FSBP: variants seen among roughly 807,000 people sequenced by gnomAD.
The protein encoded by FSBP is fibrinogen silencer binding protein.
Under a neutral mutation model 24.6 loss-of-function variants are expected in FSBP, and 18 were observed. That is an observed-to-expected ratio of 0.73 (90% CI 0.51 to 1.08). FSBP has a LOEUF of 1.08. Ranked by LOEUF, FSBP falls within the 50% of genes least tolerant of loss-of-function variation. FSBP has a pLI of 0.00. For synonymous variants in FSBP, 110 were observed against 125.8 expected, an observed-to-expected ratio of 0.87 and a Z score of 0.84; for missense variants, 305 against 347.6, an observed-to-expected ratio of 0.88 and a Z score of 0.98.
chr8:94,428,296 A>G lies in FSBP; in HGVS notation c.*3835T>C. ...TCCCAGCATTACATTTTGTAATTAA[A>G]GCTCATGGACCCCAAACAATTGTCT... On this transcript the variant is annotated 3_prime_UTR_variant, in exon 2 of 2. Coordinates refer to ENST00000481490, the MANE Select transcript of FSBP (RefSeq NM_001256141.2). The G allele has an allele frequency of 1.0e-6, 1 of 982,230 alleles. No homozygotes were observed. The highest frequency in any genetic ancestry group is 4.7e-5 in the South Asian group (1 of 21,230). 60.8% of individuals were successfully genotyped at this position (982,230 alleles called of 1,614,324 possible).
Position 94,427,932 on chromosome 8 carries a change from A to G in FSBP, c.*4199T>C, listed in dbSNP as rs199723108. On this transcript the variant is annotated 3_prime_UTR_variant, in exon 2 of 2. Transcript: ENST00000481490. ...ATAGAACAGGGTAGAATGACTCCTT[A>G]AAAAAAAAAATGAAATAACACCAAG... 14 of 261,634 alleles carry G rather than the reference A, an allele frequency of 5.4e-5. No individual in the cohort carries two copies. The highest frequency in any genetic ancestry group is 6.0e-5 in the Non-Finnish European group (13 of 215,348). 16.2% of individuals were successfully genotyped at this position (261,634 alleles called of 1,614,324 possible). A position where few individuals can be genotyped will look rare whatever the true frequency, so the allele number is the denominator to read the frequency against.
Position 94,428,135 on chromosome 8 carries a change from A to G in FSBP, c.*3996T>C, listed in dbSNP as rs1461940558. The G allele has an allele frequency of 1.1e-6, 1 of 882,464 alleles. No homozygotes were observed. The highest frequency in any genetic ancestry group is 1.4e-6 in the Non-Finnish European group (1 of 736,390). The allele number at this position is 882,464 out of a possible 1,614,324, so 54.7% of individuals were successfully genotyped here. ...TTCATATGGATAAGAGAAAGATAGG[A>G]AAGTGGCTATCCACTATCTAAATTA... On this transcript the variant is annotated 3_prime_UTR_variant, in exon 2 of 2. Transcript: ENST00000481490.
chr8:94,436,705 G>A lies in FSBP; in HGVS notation c.164C>T (p.Ala55Val). Reference sequence around the variant, plus strand: ...TCGAGGAGGGCGGTCTACTCCAATTGCATTATAGTTAACTGCTATGATATC... The same window carrying A: ...TCGAGGAGGGCGGTCTACTCCAATTACATTATAGTTAACTGCTATGATATC... The part of the protein sequence containing the change: ...CWDIIAVNYN[A>V]IGVDRPPRTA... Residue 55 changes from alanine (A) to valine (V), a missense_variant, in exon 1 of 2, where the codon GCA (alanine) becomes GTA (valine). By Grantham distance (64) the Ala-to-Val change is moderately conservative. Transcript: ENST00000481490. 1 of 1,550,614 alleles carries A rather than the reference G, an allele frequency of 6.4e-7. No homozygotes were observed. Among genetic ancestry groups the A allele is most frequent in the Non-Finnish European group, 8.7e-7 (1 of 1,146,986 alleles).
chr8:94,434,427 AAC>A (rs958467082), intron 1 of FSBP, among the ~76,000 whole-genome samples: 1 of 151,938 alleles, frequency 6.6e-6, no homozygotes, highest in African/African-American at 2.4e-5. Flanking sequence ...AGTTTACAAA[AAC>A]ACAAAATATA....
Position 94,436,729 on chromosome 8 carries a change from T to C in FSBP, c.140A>G (p.Asp47Gly). The change falls in exon 1 of 2, where the codon GAT becomes GGT. Residue 47 changes from aspartate (D) to glycine (G), a missense_variant. Physicochemically the swap from Asp to Gly is moderately conservative, Grantham distance 94 (BLOSUM62 -1). Coordinates refer to ENST00000481490, the MANE Select transcript of FSBP (RefSeq NM_001256141.2). ...TGCATTATAGTTAACTGCTATGATA[T>C]CCCAACATCTATTCTTTTCTACTAT... ...SVIVEKNRCWDIIAVNYNAIG... is the reference protein window; with the variant it reads ...SVIVEKNRCWGIIAVNYNAIG... The C allele has an allele frequency of 6.4e-7, 1 of 1,550,732 alleles. No homozygotes were observed. Among genetic ancestry groups the C allele is most frequent in the East Asian group, 2.4e-5 (1 of 40,914 alleles).
At chr8:94,434,743 T>G (rs1465374283) in intron 1 of FSBP, among the ~76,000 whole-genome samples, 2 of 151,642 alleles carry the variant, frequency 1.3e-5, no homozygotes, top group Non-Finnish European at 3.0e-5. Context: ...AATGTCAATG[T>G]AGACACAGTA....
Position 94,429,985 on chromosome 8 carries a change from T to G in FSBP, c.*2146A>C, listed in dbSNP as rs1483939547. On this transcript the variant is annotated 3_prime_UTR_variant, in exon 2 of 2. Coordinates refer to ENST00000481490, the MANE Select transcript of FSBP (RefSeq NM_001256141.2). ...TAGCCCTCTAATTCAAAGCATTCAA[T>G]GGCTTCTCATTGTACGTTAAGTCTG... 1.0e-6 allele frequency: 1 copy of G among 985,388 alleles called. No homozygotes were observed. Among genetic ancestry groups the G allele is most frequent in the East Asian group, 1.1e-4 (1 of 8,812 alleles). 61.0% of individuals were successfully genotyped at this position (985,388 alleles called of 1,614,324 possible).
rs1277767296 is a variant in FSBP, at chr8:94,429,420, G to C, written c.*2711C>G. 1 of 906,988 alleles carries C rather than the reference G, an allele frequency of 1.1e-6. No homozygotes were observed. The highest frequency in any genetic ancestry group is 1.3e-6 in the Non-Finnish European group (1 of 758,996). The allele number at this position is 906,988 out of a possible 1,614,324, so 56.2% of individuals were successfully genotyped here. On this transcript the variant is annotated 3_prime_UTR_variant, in exon 2 of 2. Coordinates refer to ENST00000481490, the MANE Select transcript of FSBP (RefSeq NM_001256141.2). ...TTTTTTAACACAGATCTCTTTTCTA[G>C]AAACATCTCACAGAATTAATGTTCC...
chr8:94,429,843 CCTT>C lies in FSBP; in HGVS notation c.*2285_*2287del, dbSNP rs1812042472. 12 of 985,244 alleles carry C rather than the reference CCTT, an allele frequency of 1.2e-5. No individual in the cohort carries two copies. Among genetic ancestry groups the C allele is most frequent in the Non-Finnish European group, 1.4e-5 (12 of 829,854 alleles). The allele number at this position is 985,244 out of a possible 1,614,324, so 61.0% of individuals were successfully genotyped here. On this transcript the variant is annotated 3_prime_UTR_variant, in exon 2 of 2. Transcript: ENST00000481490. ...AAGTAGTCAACATGCTAAAATAGTA[CCTT>C]GAGTTCATTTTTTTCTATTTCTATA...
Position 94,427,973 on chromosome 8 carries a change from A to C in FSBP, c.*4158T>G. 1.1e-6 allele frequency: 1 copy of C among 919,588 alleles called. No homozygotes were observed. 57.0% of individuals were successfully genotyped at this position (919,588 alleles called of 1,614,324 possible). On this transcript the variant is annotated 3_prime_UTR_variant, in exon 2 of 2. Coordinates refer to ENST00000481490, the MANE Select transcript of FSBP (RefSeq NM_001256141.2). ...TAACACCAAGTTAATATCTCATCAT[A>C]CACAAAAGAAAAATACTTGACTATT...
Position 94,432,557 on chromosome 8 carries a change from T to G in FSBP, c.474A>C (p.Glu158Asp). 6.5e-7 allele frequency: 1 copy of G among 1,550,338 alleles called. No homozygotes were observed. The highest frequency in any genetic ancestry group is 8.7e-7 in the Non-Finnish European group (1 of 1,146,750). ...VAITVEVKQE[E>D]DIKPPPPLVL... Reference sequence around the variant, plus strand: ...CCAGTGGAGGAGGTGGTTTAATGTCTTCTTCTTGCTTCACCTCCACTGTAA... The same window carrying G: ...CCAGTGGAGGAGGTGGTTTAATGTCGTCTTCTTGCTTCACCTCCACTGTAA... Residue 158 changes from glutamate (E) to aspartate (D), a missense_variant, in exon 2 of 2, where the codon GAA becomes GAC. Transcript: ENST00000481490.
At position 94,430,549 on chromosome 8, in the gene FSBP, T is replaced by A; in HGVS notation, c.*1582A>T. ...TGCTGACACCCCCAGGGTTTCTAAT[T>A]CACTTGGAAATGGATTTACATTTCT... is the stretch of plus-strand genomic sequence containing the variant. On this transcript the variant is annotated 3_prime_UTR_variant, in exon 2 of 2. Coordinates refer to ENST00000481490, the MANE Select transcript of FSBP (RefSeq NM_001256141.2). The A allele has an allele frequency of 1.3e-6, 1 of 745,770 alleles. No homozygotes were observed. Among genetic ancestry groups the A allele is most frequent in the Non-Finnish European group, 1.6e-6 (1 of 611,836 alleles). 46.2% of individuals were successfully genotyped at this position (745,770 alleles called of 1,614,324 possible).
Position 94,428,228 on chromosome 8 carries a change from T to C in FSBP, c.*3903A>G, listed in dbSNP as rs181174700. On this transcript the variant is annotated 3_prime_UTR_variant, in exon 2 of 2. Transcript: ENST00000481490. ...TCAAATGTAGTATATTTCTACAGAA[T>C]CAAGTCTACATTTAAAAAACAAAAT... 2.3e-6 allele frequency: 2 copies of C among 883,838 alleles called. No homozygotes were observed. Among genetic ancestry groups the C allele is most frequent in the Non-Finnish European group, 2.7e-6 (2 of 737,628 alleles). 54.7% of individuals were successfully genotyped at this position (883,838 alleles called of 1,614,324 possible). A position where few individuals can be genotyped will look rare whatever the true frequency, so the allele number is the denominator to read the frequency against.
rs552369158 is a variant in FSBP at position 94,429,258 on chromosome 8, T to C, written c.*2873A>G. ...AAACAATGCTGCAGAAAAATATGAT[T>C]GTAGCAGACTATGTTTATGCTATTT... On this transcript the variant is annotated 3_prime_UTR_variant, in exon 2 of 2. Transcript: ENST00000481490. The C allele has an allele frequency of 2.0e-6, 1 of 496,826 alleles. No homozygotes were observed. Among genetic ancestry groups the C allele is most frequent in the African/African-American group, 2.1e-5 (1 of 47,662 alleles). 30.8% of individuals were successfully genotyped at this position (496,826 alleles called of 1,614,324 possible). A position where few individuals can be genotyped will look rare whatever the true frequency, so the allele number is the denominator to read the frequency against.
At chr8:94,434,230 G>T (rs1024893760) in intron 1 of FSBP, among the ~76,000 whole-genome samples, 7 of 151,954 alleles carry the variant, frequency 4.6e-5, no homozygotes, top group African/African-American at 1.7e-4. Context: ...ATGTAAAATA[G>T]AGAGTATAAA....
In FSBP at chr8:94,430,449, T is replaced by A. The variant is rs1486516906; in HGVS notation, c.*1682A>T. 4.1e-6 allele frequency: 4 copies of A among 984,924 alleles called. No homozygotes were observed. The highest frequency in any genetic ancestry group is 4.8e-6 in the Non-Finnish European group (4 of 829,584). The allele number at this position is 984,924 out of a possible 1,614,324, so 61.0% of individuals were successfully genotyped here. A position where few individuals can be genotyped will look rare whatever the true frequency, so the allele number is the denominator to read the frequency against. ...GTATGATTTAGGCACCAAGCGAGGT[T>A]CCAAAATACTCTGTTTCACTGGTTC... is the stretch of plus-strand genomic sequence containing the variant. On this transcript the variant is annotated 3_prime_UTR_variant, in exon 2 of 2. Coordinates refer to ENST00000481490, the MANE Select transcript of FSBP (RefSeq NM_001256141.2).
intron 1 of FSBP, 38 bp from the exon 2 acceptor site, chr8:94,432,694 A>C (rs1812139812): frequency 1.4e-6 from 2 of 1,416,612 alleles, no homozygotes; most frequent in East Asian, 5.1e-5. Context: ...ATGTAAATCA[A>C]ATGAAGAAAA....
Position 94,427,844 on chromosome 8 carries a change from C to A in FSBP, c.*4287G>T, listed in dbSNP as rs543736979. On this transcript the variant is annotated 3_prime_UTR_variant, in exon 2 of 2. Transcript: ENST00000481490. ...TTAAACATGTGTATTTAAAAGTTGA[C>A]ATTACTCCAAAAGAAGGCACATGAA... The A allele has an allele frequency of 4.2e-6, 4 of 960,294 alleles. No homozygotes were observed. The African/African-American group carries it at 7.1e-5, about 17-fold the overall frequency. The allele number at this position is 960,294 out of a possible 1,614,324, so 59.5% of individuals were successfully genotyped here.
Position 94,431,128 on chromosome 8 carries a change from A to C in FSBP, c.*1003T>G. 1 of 942,866 alleles carries C rather than the reference A, an allele frequency of 1.1e-6. No homozygotes were observed. Among genetic ancestry groups the C allele is most frequent in the Non-Finnish European group, 1.3e-6 (1 of 791,304 alleles). 58.4% of individuals were successfully genotyped at this position (942,866 alleles called of 1,614,324 possible). On this transcript the variant is annotated 3_prime_UTR_variant, in exon 2 of 2. Transcript: ENST00000481490. ...AACATACATATTAGAGATTTAATAT[A>C]AATTTAATATGTATGCTTTAAGAAT...
Sources: gnomAD v4.1 joint callset for allele counts (sites outside exome capture counted in the v4.1 genomes callset) on GRCh38, gnomAD v4.1.1 for gene constraint, MANE v1.5 for transcripts, NCBI Gene and HGNC (gene_info 2026-07-23, HGNC 2026-07-21) for gene names.